Variants in OSBPL6 observed in about 807,000 individuals in gnomAD.
OSBPL6 encodes oxysterol binding protein like 6, also known as oxysterol-binding protein-related protein 6.
A neutral mutation model predicts 125.8 loss-of-function variants in OSBPL6; 49 were observed. The observed-to-expected ratio is 0.39, with a 90% confidence interval of 0.31 to 0.49. OSBPL6 has a LOEUF of 0.49. Ranked by LOEUF, OSBPL6 falls within the 20% of genes least tolerant of loss-of-function variation. OSBPL6 has a pLI of 0.88. For synonymous variants in OSBPL6, 394 were observed against 391.8 expected, an observed-to-expected ratio of 1.01 and a Z score of -0.07; for missense variants, 986 against 1,135.4, an observed-to-expected ratio of 0.87 and a Z score of 1.89.
In OSBPL6 at chr2:178,339,709, T is replaced by C; in HGVS notation, c.932T>C (p.Val311Ala). Residue 311 changes from valine to alanine, a missense_variant, in exon 11 of 25, where the codon GTC (valine) becomes GCC (alanine). By Grantham distance (64) the Val-to-Ala change is moderately conservative. Transcript: ENST00000190611. ...GATATTTCAAAGAAAGACAAGCGGG[T>C]CACAAGACGATGGAGAACAAAAAGT... ...CVDISKKDKR[V>A]TRRWRTKSVS... The C allele has an allele frequency of 6.2e-7, 1 of 1,605,460 alleles. No homozygotes were observed. The highest frequency in any genetic ancestry group is 1.1e-5 in the South Asian group (1 of 89,478).
intron 12 of OSBPL6, among the ~76,000 whole-genome samples, chr2:178,355,448 T>C (rs1400039127): frequency 1.3e-5 from 2 of 152,128 alleles, no homozygotes; most frequent in African/African-American, 4.8e-5. Context: ...CATCAGAGAA[T>C]ACTATAAACA....
At chr2:178,263,457 A>C (rs568204362) in intron 1 of OSBPL6, among the ~76,000 whole-genome samples, 98 of 152,330 alleles carry the variant, frequency 6.4e-4, no homozygotes, top group African/African-American at 2.2e-3. Context: ...CAGCCTGGGC[A>C]ACAAAAGCGA....
intron 4 of OSBPL6, among the ~76,000 whole-genome samples, 184 bp downstream of exon 4, chr2:178,324,453 G>A (rs926414783): frequency 7.2e-5 from 11 of 152,186 alleles, no homozygotes; most frequent in African/African-American, 2.7e-4. Context: ...AGAGAACAGA[G>A]AATGTATACT....
intron 5 of OSBPL6, among the ~76,000 whole-genome samples, chr2:178,329,417 A>ATT (rs199952604): frequency 1.1e-4 from 15 of 139,552 alleles, no homozygotes; most frequent in Non-Finnish European, 1.6e-4. Flanking sequence ...TTATTTACTT[A>ATT]TTTTTTTTTT....
At chr2:178,345,846 T>C (rs774278859) in intron 11 of OSBPL6, among the ~76,000 whole-genome samples, 4 of 152,196 alleles carry the variant, frequency 2.6e-5, no homozygotes, top group Non-Finnish European at 5.9e-5. Context: ...TGCAGATACA[T>C]ACAGTGAATA....
At chr2:178,308,321 TGTA>T (rs765880643) in intron 3 of OSBPL6, among the ~76,000 whole-genome samples, 21 of 152,216 alleles carry the variant, frequency 1.4e-4, no homozygotes, top group Admixed American at 6.5e-4. Context: ...TGTGATGTGA[TGTA>T]GTGTTTTTTA....
At chr2:178,389,545 TG>T (rs1338369106) in intron 21 of OSBPL6, among the ~76,000 whole-genome samples, 3 of 152,224 alleles carry the variant, frequency 2.0e-5, no homozygotes, top group Non-Finnish European at 4.4e-5. Flanking sequence ...ATTATAATGT[TG>T]TCATTTTCTG....
chr2:178,308,390 T>C (rs759975119), intron 3 of OSBPL6, among the ~76,000 whole-genome samples: 10 of 152,238 alleles, frequency 6.6e-5, no homozygotes, highest in Admixed American at 1.3e-4. Context: ...ATAGAGAAAG[T>C]GTGATAAATT....
chr2:178,354,414 A>G (rs946154600), intron 12 of OSBPL6, among the ~76,000 whole-genome samples: 1 of 151,218 alleles, frequency 6.6e-6, no homozygotes, highest in African/African-American at 2.4e-5. Context: ...AATGGAAAGC[A>G]AAAAAAAAGC....
intron 1 of OSBPL6, among the ~76,000 whole-genome samples, chr2:178,276,447 A>G (rs2092471111): frequency 1.4e-5 from 2 of 143,216 alleles, no homozygotes; most frequent in South Asian, 4.3e-4. Context: ...ATCTTGGCTC[A>G]CTGCAACCTC....
At chr2:178,236,018 A>G (rs531434870) in intron 1 of OSBPL6, among the ~76,000 whole-genome samples, 133 of 152,276 alleles carry the variant, frequency 8.7e-4, no homozygotes, top group African/African-American at 3.0e-3. Flanking sequence ...TCTCAATTTT[A>G]TATCACTTGT....
chr2:178,353,462 G>A (rs1316906847), intron 12 of OSBPL6, among the ~76,000 whole-genome samples: 1 of 152,168 alleles, frequency 6.6e-6, no homozygotes, highest in Non-Finnish European at 1.5e-5. Flanking sequence ...CCAAGCTTCA[G>A]TAGCTGATTC....
intron 1 of OSBPL6, among the ~76,000 whole-genome samples, chr2:178,257,651 T>G (rs1250612596): frequency 1.3e-5 from 2 of 152,216 alleles, no homozygotes; most frequent in Non-Finnish European, 2.9e-5. Flanking sequence ...CCTAAGGTTA[T>G]TTTGAATAAG....
Position 178,284,934 on chromosome 2 carries a change from C to T in OSBPL6, c.-343C>T. ...GTAATCTCTCTTTTTCAGGTTCTGCCACTTGCTGGGAAAACAGCAACAGAA... is the reference window on the plus strand; with the variant it reads ...GTAATCTCTCTTTTTCAGGTTCTGCTACTTGCTGGGAAAACAGCAACAGAA... On this transcript the variant is annotated 5_prime_UTR_variant, in exon 2 of 25. Transcript: ENST00000190611. The T allele has an allele frequency of 2.5e-6, 1 of 398,036 alleles. No homozygotes were observed. Among genetic ancestry groups the T allele is most frequent in the Non-Finnish European group, 4.4e-6 (1 of 225,780 alleles). 24.7% of individuals were successfully genotyped at this position (398,036 alleles called of 1,614,324 possible).
chr2:178,211,142 G>C (rs533970140), intron 1 of OSBPL6, among the ~76,000 whole-genome samples: 1 of 152,142 alleles, frequency 6.6e-6, no homozygotes, highest in Admixed American at 6.5e-5. Flanking sequence ...GTGGTGGTGC[G>C]CGCCTGTAGT....
At chr2:178,218,478 T>C (rs2090184465) in intron 1 of OSBPL6, among the ~76,000 whole-genome samples, 1 of 152,082 alleles carries the variant, frequency 6.6e-6, no homozygotes, top group African/African-American at 2.4e-5. Context: ...CTCTTCATTC[T>C]ATTAATAGAG....
intron 1 of OSBPL6, among the ~76,000 whole-genome samples, chr2:178,270,133 G>T (rs922013891): frequency 6.6e-6 from 1 of 152,156 alleles, no homozygotes. Context: ...AGCAGGGTTG[G>T]GGGTAGGCTC....
intron 24 of OSBPL6, 119 bp downstream of exon 24, chr2:178,394,554 G>T (rs1695684505): frequency 1.5e-6 from 2 of 1,308,594 alleles, no homozygotes; most frequent in Non-Finnish European, 2.1e-6. Context: ...TTTGCTTTTG[G>T]CAGTGAAAAT....
At chr2:178,272,668 T>C (rs1418471310) in intron 1 of OSBPL6, among the ~76,000 whole-genome samples, 2 of 152,220 alleles carry the variant, frequency 1.3e-5, no homozygotes, top group Non-Finnish European at 2.9e-5. Context: ...ACAAGTCTCA[T>C]TGCATATCTT....
Sources: gnomAD v4.1 joint callset for allele counts (sites outside exome capture counted in the v4.1 genomes callset) on GRCh38, gnomAD v4.1.1 for gene constraint, MANE v1.5 for transcripts, NCBI Gene and HGNC (gene_info 2026-07-23, HGNC 2026-07-21) for gene names.